The following PHF21A variants were observed in gnomAD, a reference collection of about 807,000 sequenced individuals.
PHF21A encodes the protein BHC80a.
A neutral mutation model predicts 82.5 loss-of-function variants in PHF21A; 11 were observed. That is an observed-to-expected ratio of 0.13 (90% CI 0.08 to 0.22). PHF21A has a LOEUF of 0.22. PHF21A is among the 10% of genes least tolerant of loss of function. PHF21A has a pLI of 1.00. For synonymous variants in PHF21A, 297 were observed against 302.8 expected (o/e 0.98, Z 0.20); for missense variants, 579 against 837.8 (o/e 0.69, Z 3.81).
chr11:45,946,246 GAAGGTGCTGGCTTATGTAGA>G lies in PHF21A; in HGVS notation c.1289-263_1289-244del, dbSNP rs1234935609. On this transcript the variant is annotated intron_variant, in intron 14 of 18. Coordinates refer to ENST00000676320, the MANE Select transcript of PHF21A (RefSeq NM_001352027.3). ...GATAAGAGAGCTCTGGAGAATGACA[GAAGGTGCTGGCTTATGTAGA>G]AAGACCTCACCTTGGGCAGATTGTG... is the stretch of plus-strand genomic sequence containing the variant. 5 of 847,682 alleles carry G rather than the reference GAAGGTGCTGGCTTATGTAGA, an allele frequency of 5.9e-6. No individual in the cohort carries two copies. The East Asian group carries it at 1.3e-4, about 22-fold the overall frequency. The allele number at this position is 847,682 out of a possible 1,614,324, so 52.5% of individuals were successfully genotyped here.
Position 46,058,102 on chromosome 11 carries a change from C to T in PHF21A, c.153+18652G>A, listed in dbSNP as rs554363221. ...TTAAATGTGAAGGATCTCACTTAAA[C>T]CTGCAGAAAACAGAAACTAGAAAGT... On this transcript the variant is annotated intron_variant, in intron 6 of 18. Coordinates refer to ENST00000676320, the MANE Select transcript of PHF21A (RefSeq NM_001352027.3). Among the ~76,000 whole-genome samples the T allele has an allele frequency of 5.3e-5, 8 of 152,272 alleles. 1 individual carries two copies. The South Asian group carries it at 1.7e-3, about 32-fold the overall frequency.
chr11:46,007,846 G>C (rs2095331354), intron 6 of PHF21A, among the ~76,000 whole-genome samples: 2 of 152,040 alleles, frequency 1.3e-5, no homozygotes, highest in Admixed American at 1.3e-4. Context: ...TAGAACAAGG[G>C]ACTTTTCCAT....
intron 7 of PHF21A, among the ~76,000 whole-genome samples, chr11:45,974,459 T>C (rs1265825527): frequency 6.6e-6 from 1 of 150,516 alleles, no homozygotes; most frequent in Non-Finnish European, 1.5e-5. Context: ...ATTATTGCTG[T>C]TTATTTATTT....
chr11:46,109,322 A>G (rs1481988889), intron 1 of PHF21A, among the ~76,000 whole-genome samples: 1 of 152,188 alleles, frequency 6.6e-6, no homozygotes, highest in Admixed American at 6.5e-5. Flanking sequence ...TCCTATGTGT[A>G]AAAAGGCTTA....
chr11:46,035,547 A>G (rs2138518835), intron 6 of PHF21A, among the ~76,000 whole-genome samples: 1 of 152,352 alleles, frequency 6.6e-6, no homozygotes, highest in Non-Finnish European at 1.5e-5. Context: ...AGAAGCAAAG[A>G]GAGACAAATC....
chr11:46,042,004 G>A (rs1319403269), intron 6 of PHF21A, among the ~76,000 whole-genome samples: 2 of 152,092 alleles, frequency 1.3e-5, no homozygotes, highest in Non-Finnish European at 2.9e-5. Flanking sequence ...GTCTGTTTAA[G>A]TGTTAAAAAT....
intron 18 of PHF21A, 66 bp downstream of exon 18, chr11:45,935,570 G>T: frequency 1.2e-6 from 1 of 858,914 alleles, no homozygotes; most frequent in South Asian, 1.4e-5. Context: ...GTACTGTTAC[G>T]TATATTGGAA....
At chr11:46,043,297 A>G (rs1248536551) in intron 6 of PHF21A, among the ~76,000 whole-genome samples, 1 of 152,208 alleles carries the variant, frequency 6.6e-6, no homozygotes, top group Non-Finnish European at 1.5e-5. Flanking sequence ...ATAGAAAAAT[A>G]AAACAGATTT....
At chr11:45,935,273 G>T in intron 18 of PHF21A, 1 of 1,307,642 alleles carries the variant, frequency 7.6e-7, no homozygotes, top group Non-Finnish European at 1.0e-6. Context: ...GAGGGGACCT[G>T]GTCTGTGTCT....
chr11:45,956,040 AC>A (rs2092613011), intron 10 of PHF21A, among the ~76,000 whole-genome samples: 1 of 152,200 alleles, frequency 6.6e-6, no homozygotes. Flanking sequence ...GAGCAAAAAA[AC>A]CCCTATCAAC....
chr11:45,993,626 G>T (rs2094794955), intron 6 of PHF21A, among the ~76,000 whole-genome samples: 1 of 151,804 alleles, frequency 6.6e-6, no homozygotes, highest in Admixed American at 6.6e-5. Context: ...CTGACTGAAT[G>T]CAGAGTACAC....
intron 6 of PHF21A, among the ~76,000 whole-genome samples, chr11:46,072,825 G>T (rs967865843): frequency 6.6e-6 from 1 of 152,142 alleles, no homozygotes; most frequent in African/African-American, 2.4e-5. Flanking sequence ...CTGCAACCAC[G>T]ATGGCTTAAC....
In PHF21A at chr11:45,931,007, G is replaced by A. The variant is rs1211555981; in HGVS notation, c.*2961C>T. 6.7e-6 allele frequency: 1 copy of A among 149,730 alleles called. No individual in the cohort carries two copies. The highest frequency in any genetic ancestry group is 1.5e-5 in the Non-Finnish European group (1 of 67,506). The allele number at this position is 149,730 out of a possible 1,614,324, so 9.3% of individuals were successfully genotyped here. A position where few individuals can be genotyped will look rare whatever the true frequency, so the allele number is the denominator to read the frequency against. ...AGTAAAGCAGTGTTTTGGAATTTGA[G>A]TGCAGAATGTAGGTTTGGGGGCTGG... is the stretch of plus-strand genomic sequence containing the variant. On this transcript the variant is annotated 3_prime_UTR_variant, in exon 19 of 19. Transcript: ENST00000676320.
At chr11:46,017,024 G>A (rs988592968) in intron 6 of PHF21A, among the ~76,000 whole-genome samples, 1 of 151,858 alleles carries the variant, frequency 6.6e-6, no homozygotes, top group African/African-American at 2.4e-5. Context: ...AGGCTGGAGT[G>A]CAGTGGCGTG....
chr11:46,029,155 C>G (rs1312150396), intron 6 of PHF21A, among the ~76,000 whole-genome samples: 1 of 152,190 alleles, frequency 6.6e-6, no homozygotes, highest in Non-Finnish European at 1.5e-5. Flanking sequence ...TCAACGATAA[C>G]TTCTTGTCTC....
chr11:45,961,075 A>G (rs1027858990), intron 10 of PHF21A, among the ~76,000 whole-genome samples: 1 of 152,154 alleles, frequency 6.6e-6, no homozygotes, highest in Non-Finnish European at 1.5e-5. Flanking sequence ...TAAAAGCGGG[A>G]TATCTGTTAT....
chr11:46,030,867 G>C (rs1418976214), intron 6 of PHF21A, among the ~76,000 whole-genome samples: 2 of 142,840 alleles, frequency 1.4e-5, no homozygotes, highest in African/African-American at 2.7e-5. Flanking sequence ...GTGTGTGTGT[G>C]TGTTTCCAGT....
In PHF21A at chr11:45,933,088, A is replaced by T. The variant is rs1047281440; in HGVS notation, c.*880T>A. ...TCTTATAAATATAGAAAAGGGATGG[A>T]GCTTGTTTTCAAGTAAAATCACTGA... is the stretch of plus-strand genomic sequence containing the variant. On this transcript the variant is annotated 3_prime_UTR_variant, in exon 19 of 19. Transcript: ENST00000676320. The T allele has an allele frequency of 6.6e-6, 1 of 152,614 alleles. No individual in the cohort carries two copies. Among genetic ancestry groups the T allele is most frequent in the African/African-American group, 2.4e-5 (1 of 41,460 alleles). 9.5% of individuals were successfully genotyped at this position (152,614 alleles called of 1,614,324 possible). A position where few individuals can be genotyped will look rare whatever the true frequency, so the allele number is the denominator to read the frequency against.
At position 46,012,586 on chromosome 11, in the gene PHF21A, C is replaced by T. The variant is rs533898058; in HGVS notation, c.154-32620G>A. Reference sequence around the variant, plus strand: ...TCTTAAATGGAGATAAAAGTAGCTACCTCAAAGGGCTGTGAAGATTAAATG... The same window carrying T: ...TCTTAAATGGAGATAAAAGTAGCTATCTCAAAGGGCTGTGAAGATTAAATG... On this transcript the variant is annotated intron_variant, in intron 6 of 18. Coordinates refer to ENST00000676320, the MANE Select transcript of PHF21A (RefSeq NM_001352027.3). Among the ~76,000 whole-genome samples, 18 of 152,260 alleles carry T rather than the reference C, an allele frequency of 1.2e-4. No homozygotes were observed. In the South Asian group the frequency reaches 3.5e-3, roughly 30 times the overall value.
Sources: gnomAD v4.1 joint callset for allele counts (sites outside exome capture counted in the v4.1 genomes callset) on GRCh38, gnomAD v4.1.1 for gene constraint, MANE v1.5 for transcripts, NCBI Gene and HGNC (gene_info 2026-07-23, HGNC 2026-07-21) for gene names.